The following C7orf78 variants were observed in gnomAD, a reference collection of about 807,000 sequenced individuals.
C7orf78 encodes chromosome 7 open reading frame 78.
the C7orf78 span, among the ~76,000 whole-genome samples, chr7:12,529,287 A>G: frequency 6.6e-6 from 1 of 152,218 alleles, no homozygotes; most frequent in Admixed American, 6.5e-5. Context: ...GGGAAAATAT[A>G]GAATAGTAGT....
At chr7:12,508,421 T>C in the C7orf78 span, among the ~76,000 whole-genome samples, 1 of 152,194 alleles carries the variant, frequency 6.6e-6, no homozygotes, top group Non-Finnish European at 1.5e-5. Context: ...TCCATGATGC[T>C]TATGTGGTAA....
chr7:12,501,391 T>C, the C7orf78 span, among the ~76,000 whole-genome samples: 1 of 151,032 alleles, frequency 6.6e-6, no homozygotes, highest in Admixed American at 6.6e-5. Context: ...AGTCTCAGGA[T>C]ACAAAATCAA....
the C7orf78 span, among the ~76,000 whole-genome samples, chr7:12,524,978 T>C: frequency 3.9e-5 from 6 of 152,312 alleles, no homozygotes; most frequent in African/African-American, 1.4e-4. Flanking sequence ...ATAAATTGTG[T>C]AACCACCAGA....
At chr7:12,500,393 G>A in the C7orf78 span, among the ~76,000 whole-genome samples, 1 of 149,770 alleles carries the variant, frequency 6.7e-6, no homozygotes. Flanking sequence ...AATGATAAAG[G>A]GGATATAACC....
the C7orf78 span, among the ~76,000 whole-genome samples, chr7:12,506,244 A>G: frequency 2.6e-5 from 4 of 152,222 alleles, no homozygotes; most frequent in Admixed American, 2.6e-4. Context: ...CGATTCCTCA[A>G]GGATCTAGAG....
chr7:12,524,538 A>G, the C7orf78 span, among the ~76,000 whole-genome samples: 1 of 152,226 alleles, frequency 6.6e-6, no homozygotes, highest in East Asian at 1.9e-4. Context: ...ATTAAATGTT[A>G]CTGGTTTATT....
the C7orf78 span, among the ~76,000 whole-genome samples, chr7:12,528,038 C>T: frequency 6.7e-6 from 1 of 148,998 alleles, no homozygotes; most frequent in South Asian, 2.3e-4. Flanking sequence ...TGAAATGGAA[C>T]ATGTCAGCTT....
chr7:12,488,937 T>G, the C7orf78 span, among the ~76,000 whole-genome samples: 1 of 150,520 alleles, frequency 6.6e-6, no homozygotes, highest in Non-Finnish European at 1.5e-5. Flanking sequence ...GGTTTTTTGC[T>G]TTGGCTAAGA....
chr7:12,523,447 A>G, the C7orf78 span: 1 of 398,098 alleles, frequency 2.5e-6, no homozygotes, highest in South Asian at 1.3e-4. Context: ...GCATTTGAAT[A>G]AAAACTATTT....
At chr7:12,484,068 T>C in the C7orf78 span, 2 of 152,102 alleles carry the variant, frequency 1.3e-5, no homozygotes, top group African/African-American at 4.8e-5. Context: ...GGAATGGATA[T>C]TGAAAAATAG....
the C7orf78 span, among the ~76,000 whole-genome samples, chr7:12,502,698 G>A: frequency 3.3e-5 from 5 of 151,822 alleles, no homozygotes; most frequent in African/African-American, 9.7e-5. Context: ...ATCTAGAACT[G>A]GAAATACCAT....
the C7orf78 span, among the ~76,000 whole-genome samples, chr7:12,489,435 G>A: frequency 3.4e-4 from 52 of 152,242 alleles, no homozygotes; most frequent in South Asian, 9.1e-3. Context: ...GCAGAATTCC[G>A]TATAGGTCTA....
the C7orf78 span, among the ~76,000 whole-genome samples, chr7:12,528,017 A>T: frequency 1.3e-5 from 2 of 148,734 alleles, no homozygotes; most frequent in African/African-American, 5.0e-5. Flanking sequence ...AATGCCATCT[A>T]GCTGTGTAAT....
the C7orf78 span, among the ~76,000 whole-genome samples, chr7:12,489,147 T>C: frequency 6.6e-6 from 1 of 152,036 alleles, no homozygotes; most frequent in Non-Finnish European, 1.5e-5. Context: ...CTTGTAACAG[T>C]ATAGACAAAA....
At chr7:12,486,025 G>A in the C7orf78 span, among the ~76,000 whole-genome samples, 1 of 152,112 alleles carries the variant, frequency 6.6e-6, no homozygotes, top group African/African-American at 2.4e-5. Flanking sequence ...GGTTTTAGCA[G>A]ATGACTCTGA....
the C7orf78 span, among the ~76,000 whole-genome samples, chr7:12,501,535 G>T: frequency 5.4e-5 from 8 of 148,088 alleles, no homozygotes; most frequent in Non-Finnish European, 1.2e-4. Flanking sequence ...GGATGTGAAG[G>T]ACCTCTTCAA....
chr7:12,489,401 T>C, the C7orf78 span, among the ~76,000 whole-genome samples: 34 of 152,248 alleles, frequency 2.2e-4, no homozygotes, highest in African/African-American at 7.7e-4. Context: ...CTGAGATTGA[T>C]TGAACTTTTA....
chr7:12,490,756 T>A, the C7orf78 span, among the ~76,000 whole-genome samples: 1 of 151,928 alleles, frequency 6.6e-6, no homozygotes, highest in Non-Finnish European at 1.5e-5. Context: ...AAGCAAAACA[T>A]ACTTGCAATC....
chr7:12,513,958 C>G, the C7orf78 span, among the ~76,000 whole-genome samples: 2 of 152,102 alleles, frequency 1.3e-5, no homozygotes, highest in Non-Finnish European at 2.9e-5. Context: ...TGAGATCACG[C>G]CACTGCACTC....
Sources: allele counts gnomAD v4.1 joint callset (sites outside exome capture counted in the v4.1 genomes callset), GRCh38; gene constraint gnomAD v4.1.1; transcripts MANE v1.5; gene names NCBI Gene and HGNC (gene_info 2026-07-23, HGNC 2026-07-21).